The following GRIK1 variants were observed in gnomAD, a reference collection of about 807,000 sequenced individuals.
GRIK1 encodes glutamate receptor ionotropic, kainate 1.
Under a neutral mutation model 105.7 loss-of-function variants are expected in GRIK1, and 69 were observed. The ratio of observed to expected loss-of-function variants is 0.65; its 90% CI spans 0.54 to 0.80. The LOEUF (loss-of-function observed/expected upper bound fraction) is 0.80. Ranked by LOEUF, GRIK1 falls within the 30% of genes least tolerant of loss-of-function variation. GRIK1 has a pLI of 0.00. For missense variants in GRIK1, 1,109 were observed against 1,167.3 expected, an observed-to-expected ratio of 0.95 and a Z score of 0.73; for synonymous variants, 438 against 431.3, an observed-to-expected ratio of 1.02 and a Z score of -0.19.
At chr21:29,582,310 A>C (rs1433128295) in intron 12 of GRIK1, 1 of 468,286 alleles carries the variant, frequency 2.1e-6, no homozygotes, top group East Asian at 7.0e-5. Context: ...ATTTGTTTTC[A>C]GAACCATGGC....
At chr21:29,914,921 T>C (rs1334936646) in intron 1 of GRIK1, among the ~76,000 whole-genome samples, 1 of 152,088 alleles carries the variant, frequency 6.6e-6, no homozygotes, top group African/African-American at 2.4e-5. Flanking sequence ...TTAAATTACT[T>C]GCCAAATAAA....
rs191967872 is a variant in GRIK1, at chr21:29,691,534, G to T, written c.287-1549C>A. Among the ~76,000 whole-genome samples, 176 of 152,290 alleles carry T rather than the reference G, an allele frequency of 1.2e-3. 1 individual carries two copies. Among genetic ancestry groups the T allele is most frequent in the Non-Finnish European group, 1.0e-4 (7 of 68,024 alleles). On this transcript the variant is annotated intron_variant, in intron 2 of 17. Transcript: ENST00000327783. ...ATTAACCAAATTCCCTTCCGGAAAG[G>T]TTGGGGCAGTTTGCCCTCTACAACC... is the stretch of plus-strand genomic sequence containing the variant.
rs188372750 is a variant in GRIK1, at chr21:29,778,059, A to G, written c.119-83996T>C. On this transcript the variant is annotated intron_variant, in intron 1 of 17. Transcript: ENST00000327783. ...ATAAGAATAAAAACGTATCTGAATC[A>G]TAGGGACACTGTGAGGGTTAAATGT... 9.4e-3 allele frequency among the ~76,000 whole-genome samples: 1,427 copies of G among 152,318 alleles called. 18 individuals are homozygous for G. The highest frequency in any genetic ancestry group is 0.014 in the Non-Finnish European group (983 of 68,026).
intron 1 of GRIK1, among the ~76,000 whole-genome samples, chr21:29,829,232 T>C (rs929778230): frequency 3.9e-5 from 6 of 152,192 alleles, no homozygotes; most frequent in Admixed American, 3.9e-4. Flanking sequence ...AGAAAAAGGC[T>C]TGCTCATATT....
chr21:29,663,684 G>C (rs1221263517), intron 4 of GRIK1, among the ~76,000 whole-genome samples: 1 of 152,062 alleles, frequency 6.6e-6, no homozygotes, highest in Non-Finnish European at 1.5e-5. Flanking sequence ...AGATATTTTT[G>C]CAATACATGT....
intron 7 of GRIK1, among the ~76,000 whole-genome samples, chr21:29,603,040 C>T (rs898956337): frequency 6.6e-6 from 1 of 152,166 alleles, no homozygotes; most frequent in African/African-American, 2.4e-5. Context: ...TTTCCCTGTC[C>T]CACCAACTGG....
intron 1 of GRIK1, among the ~76,000 whole-genome samples, chr21:29,772,719 A>G (rs1193771813): frequency 6.6e-6 from 1 of 152,228 alleles, no homozygotes; most frequent in African/African-American, 2.4e-5. Context: ...AAAAGGTTCA[A>G]ATACTAAAAT....
At chr21:29,787,999 A>G (rs2066305897) in intron 1 of GRIK1, among the ~76,000 whole-genome samples, 1 of 152,216 alleles carries the variant, frequency 6.6e-6, no homozygotes, top group Admixed American at 6.5e-5. Context: ...GAGACAATAT[A>G]ATTACTTCTA....
chr21:29,709,822 A>G (rs1249207919), intron 1 of GRIK1, among the ~76,000 whole-genome samples: 1 of 151,818 alleles, frequency 6.6e-6, no homozygotes, highest in Non-Finnish European at 1.5e-5. Context: ...ACCTTCTCAC[A>G]TTATGAAATA....
At chr21:29,563,618 T>G (rs754511763) in intron 14 of GRIK1, among the ~76,000 whole-genome samples, 13 of 152,218 alleles carry the variant, frequency 8.5e-5, no homozygotes, top group Non-Finnish European at 1.6e-4. Context: ...CTGATAATGC[T>G]AAACTTATAG....
At chr21:29,696,004 AG>A (rs1413145690) in intron 1 of GRIK1, among the ~76,000 whole-genome samples, 1 of 152,276 alleles carries the variant, frequency 6.6e-6, no homozygotes, top group Non-Finnish European at 1.5e-5. Flanking sequence ...TCCAATGGAC[AG>A]ACTGTAATTC....
At chr21:29,755,330 G>A (rs895134140) in intron 1 of GRIK1, among the ~76,000 whole-genome samples, 2 of 152,184 alleles carry the variant, frequency 1.3e-5, no homozygotes, top group Non-Finnish European at 2.9e-5. Flanking sequence ...GGCTGAAAAG[G>A]GAAAGGGAGA....
chr21:29,572,760 TG>T (rs2090782250), intron 14 of GRIK1, among the ~76,000 whole-genome samples: 1 of 151,044 alleles, frequency 6.6e-6, no homozygotes, highest in Non-Finnish European at 1.5e-5. Flanking sequence ...TTAGCTCAAT[TG>T]GTCTTTTTTT....
At chr21:29,539,869 AG>A (rs1433818915) in intron 16 of GRIK1, among the ~76,000 whole-genome samples, 2 of 152,240 alleles carry the variant, frequency 1.3e-5, no homozygotes, top group Non-Finnish European at 2.9e-5. Flanking sequence ...ATTTGAACTC[AG>A]TATATCTGGA....
chr21:29,892,644 A>G (rs895964087), intron 1 of GRIK1, among the ~76,000 whole-genome samples: 5 of 152,178 alleles, frequency 3.3e-5, no homozygotes, highest in Non-Finnish European at 5.9e-5. Flanking sequence ...AAGAAACGCT[A>G]TTGGGACAGG....
At chr21:29,719,155 C>A (rs2064256089) in intron 1 of GRIK1, among the ~76,000 whole-genome samples, 1 of 145,000 alleles carries the variant, frequency 6.9e-6, no homozygotes, top group South Asian at 2.2e-4. Flanking sequence ...TAGATAAAAG[C>A]TTTTTTATAT....
chr21:29,812,211 A>G (rs1433954740), intron 1 of GRIK1, among the ~76,000 whole-genome samples: 1 of 152,126 alleles, frequency 6.6e-6, no homozygotes, highest in East Asian at 1.9e-4. Flanking sequence ...TGTAACCTCA[A>G]TCTCTGGAGT....
intron 5 of GRIK1, among the ~76,000 whole-genome samples, chr21:29,652,899 A>T (rs1243261732): frequency 6.6e-6 from 1 of 152,220 alleles, no homozygotes; most frequent in African/African-American, 2.4e-5. Flanking sequence ...TATTCTTTTG[A>T]TGAACTCTCT....
At chr21:29,731,006 C>G (rs2064610194) in intron 1 of GRIK1, among the ~76,000 whole-genome samples, 1 of 152,108 alleles carries the variant, frequency 6.6e-6, no homozygotes, top group African/African-American at 2.4e-5. Context: ...CATTCTTTTT[C>G]TCATTACTAG....
Sources: allele counts gnomAD v4.1 joint callset (sites outside exome capture counted in the v4.1 genomes callset), GRCh38; gene constraint gnomAD v4.1.1; transcripts MANE v1.5; gene names NCBI Gene and HGNC (gene_info 2026-07-23, HGNC 2026-07-21).